KIF3C: variants seen among roughly 807,000 people sequenced by gnomAD.
The protein encoded by KIF3C is kinesin family member 3C.
Under a neutral mutation model 67.7 loss-of-function variants are expected in KIF3C, and 12 were observed. The ratio of observed to expected loss-of-function variants is 0.18; its 90% CI spans 0.11 to 0.29. KIF3C has a LOEUF of 0.29. Ranked by LOEUF, KIF3C falls within the 10% of genes least tolerant of loss-of-function variation. The probability of loss-of-function intolerance (pLI) is 1.00; values close to 1 mark genes in which losing one functional copy is unlikely to be tolerated. For missense variants in KIF3C, 789 were observed against 1,059.6 expected (o/e 0.74, Z 3.55); for synonymous variants, 393 against 426.2 (o/e 0.92, Z 0.96).
In KIF3C at chr2:25,980,104, C is replaced by T. The variant is rs1384221450; in HGVS notation, c.1545+269G>A. ...CCTGAGGCCACCAGCAGGAAATGCC[C>T]ACAGCAGGTCAGACCACCCCAAGCT... On this transcript the variant is annotated intron_variant, in intron 1 of 7. Transcript: ENST00000264712. This position sits in a 1 kb window ranked among gnomAD's most constrained non-coding sequence, Gnocchi z 7.6. Among the ~76,000 whole-genome samples, 6 of 152,286 alleles carry T rather than the reference C, an allele frequency of 3.9e-5. No homozygotes were observed. Among genetic ancestry groups the T allele is most frequent in the Non-Finnish European group, 8.8e-5 (6 of 68,020 alleles).
intron 1 of KIF3C, among the ~76,000 whole-genome samples, chr2:25,967,598 G>A (rs1237109891): frequency 6.6e-6 from 1 of 152,198 alleles, no homozygotes; most frequent in Non-Finnish European, 1.5e-5. Context: ...CTTGACCCCA[G>A]GAGTTCAAGA....
chr2:25,930,107 A>G, intron 5 of KIF3C, 44 bp from the exon 6 acceptor site: 1 of 1,491,988 alleles, frequency 6.7e-7, no homozygotes, highest in South Asian at 1.1e-5. Context: ...TGTGGAACAC[A>G]AACAGCAAAT....
intron 5 of KIF3C, among the ~76,000 whole-genome samples, chr2:25,935,514 G>A (rs949588074): frequency 6.6e-6 from 1 of 151,954 alleles, no homozygotes; most frequent in Non-Finnish European, 1.5e-5. Context: ...CTACAGGCAG[G>A]TGCCACCACA....
chr2:25,957,429 A>G (rs540052045), intron 1 of KIF3C, among the ~76,000 whole-genome samples: 2 of 152,270 alleles, frequency 1.3e-5, no homozygotes, highest in South Asian at 2.1e-4. Flanking sequence ...TTCAAAACCT[A>G]TTCTGGTTTG....
intron 1 of KIF3C, among the ~76,000 whole-genome samples, chr2:25,976,650 A>G (rs1178313602): frequency 6.6e-6 from 1 of 152,198 alleles, no homozygotes; most frequent in Non-Finnish European, 1.5e-5. Flanking sequence ...AATCCCAGCT[A>G]CTAGGGAGGA....
Position 25,980,379 on chromosome 2 carries a change from C to T in KIF3C, c.1539G>A (p.Lys513=), listed in dbSNP as rs762386698. 2 of 1,612,508 alleles carry T rather than the reference C, an allele frequency of 1.2e-6. No individual in the cohort carries two copies. Among genetic ancestry groups the T allele is most frequent in the South Asian group, 1.1e-5 (1 of 90,912 alleles). ...EQQATELLAA[K]YKAMESKLLI... ...GCTCCTCTGGGGCCCTTACCTTGTA[C>T]TTGGCCGCAAGCAGCTCTGTGGCCT... Residue 513 remains lysine, a synonymous_variant, in exon 1 of 8, where the codon AAG becomes AAA. Coordinates refer to ENST00000264712, the MANE Select transcript of KIF3C (RefSeq NM_002254.8). The surrounding 1 kb of genome is among the most constrained non-coding windows in gnomAD (Gnocchi z 7.6).
chr2:25,937,073 C>A (rs188115605), intron 5 of KIF3C, among the ~76,000 whole-genome samples: 1 of 152,298 alleles, frequency 6.6e-6, no homozygotes. Flanking sequence ...AGTACACCTG[C>A]CACAGGGCTT....
At chr2:25,944,741 T>A (rs1193069529) in intron 5 of KIF3C, among the ~76,000 whole-genome samples, 1 of 152,216 alleles carries the variant, frequency 6.6e-6, no homozygotes, top group East Asian at 1.9e-4. Context: ...TACAAACATA[T>A]TCTGCATAAA....
At chr2:25,950,753 G>A (rs773140975) in intron 5 of KIF3C, among the ~76,000 whole-genome samples, 2 of 152,082 alleles carry the variant, frequency 1.3e-5, no homozygotes, top group East Asian at 1.9e-4. Context: ...TACCTAGATT[G>A]GAAAGGTGGA....
rs2090429970 is a variant in KIF3C at position 25,928,517 on chromosome 2, C to T, written c.*461G>A. ...GATGTCTCTTGTCCTCAGGGAACAC[C>T]AAGCAGTCTCCCAGTCCCAGAAAGT... On this transcript the variant is annotated 3_prime_UTR_variant, in exon 8 of 8. Transcript: ENST00000264712. 6.4e-6 allele frequency: 1 copy of T among 155,538 alleles called. No homozygotes were observed. Among genetic ancestry groups the T allele is most frequent in the Non-Finnish European group, 1.4e-5 (1 of 70,306 alleles). 9.6% of individuals were successfully genotyped at this position (155,538 alleles called of 1,614,324 possible).
At chr2:25,965,938 A>G (rs569511017) in intron 1 of KIF3C, among the ~76,000 whole-genome samples, 1 of 152,128 alleles carries the variant, frequency 6.6e-6, no homozygotes, top group Non-Finnish European at 1.5e-5. Flanking sequence ...CAGGGCTGGG[A>G]GCTCCAGGGC....
Position 25,981,086 on chromosome 2 carries a change from T to G in KIF3C, c.832A>C (p.Ser278Arg). The G allele has an allele frequency of 6.2e-7, 1 of 1,614,122 alleles. No homozygotes were observed. Among genetic ancestry groups the G allele is most frequent in the Non-Finnish European group, 8.5e-7 (1 of 1,179,988 alleles). Residue 278 changes from serine (S) to arginine (R), a missense_variant, in exon 1 of 8, where the codon AGT (serine) becomes CGT (arginine). Around this residue, in one of 2 missense-constraint regions of KIF3C, gnomAD observed 648 missense variants for 807.8 expected, o/e 0.80. Coordinates refer to ENST00000264712, the MANE Select transcript of KIF3C (RefSeq NM_002254.8). The surrounding 1 kb of genome is among the most constrained non-coding windows in gnomAD (Gnocchi z 8.2). ...CTCTCTCCACCAGCACCACCACCAC[T>G]GCCTCCACCGCCACCACCGCCACCC... Reference protein sequence around the residue: ...SSGGGGGGGGSGGGAGGERPK... With the variant: ...SSGGGGGGGGRGGGAGGERPK...
At position 25,976,753 on chromosome 2, in the gene KIF3C, T is replaced by C. The variant is rs1664428166; in HGVS notation, c.1545+3620A>G. Among the ~76,000 whole-genome samples the C allele has an allele frequency of 2.0e-5, 3 of 151,754 alleles. No individual in the cohort carries two copies. In the South Asian group the frequency reaches 6.2e-4, roughly 32 times the overall value. ...CCAGCCTCAGCAACAAGAACGAAAC[T>C]CCATCTCAAAAAAAAAGTTAATTTC... is the stretch of plus-strand genomic sequence containing the variant. On this transcript the variant is annotated intron_variant, in intron 1 of 7. Coordinates refer to ENST00000264712, the MANE Select transcript of KIF3C (RefSeq NM_002254.8).
In KIF3C at chr2:25,956,318, GGGACCT is replaced by G. The variant is rs757237210; in HGVS notation, c.1647+19_1647+24del. Reference sequence around the variant, plus strand: ...TGAGCTGCAGGCCACACTCTCCAAGGGGACCTGGCACCTGGAGGCCCTACCTGCTCG... The same window carrying G: ...TGAGCTGCAGGCCACACTCTCCAAGGGGCACCTGGAGGCCCTACCTGCTCG... On this transcript the variant is annotated intron_variant, in intron 2 of 7. Transcript: ENST00000264712. The G allele has an allele frequency of 2.6e-6, 4 of 1,567,738 alleles. No individual in the cohort carries two copies. In the Admixed American group the frequency reaches 6.7e-5, roughly 26 times the overall value.
intron 5 of KIF3C, among the ~76,000 whole-genome samples, chr2:25,943,863 C>T (rs1305934361): frequency 6.8e-6 from 1 of 147,600 alleles, no homozygotes; most frequent in East Asian, 2.0e-4. Flanking sequence ...AAAATTCTAT[C>T]TAAAAAAAAA....
chr2:25,954,180 A>C, intron 4 of KIF3C, 87 bp downstream of exon 4: 1 of 923,742 alleles, frequency 1.1e-6, no homozygotes, highest in South Asian at 1.3e-5. Context: ...GAGAGGAGAC[A>C]GTCAGGATGA....
chr2:25,955,397 T>G lies in KIF3C; in HGVS notation c.1770+144A>C. 6 of 924,250 alleles carry G rather than the reference T, an allele frequency of 6.5e-6. No homozygotes were observed. Among genetic ancestry groups the G allele is most frequent in the East Asian group, 2.6e-5 (1 of 38,704 alleles). 57.3% of individuals were successfully genotyped at this position (924,250 alleles called of 1,614,324 possible). A position where few individuals can be genotyped will look rare whatever the true frequency, so the allele number is the denominator to read the frequency against. ...AGCCCCCGCCTCCTGCCTCCCCCTG[T>G]TGCTCACCCCCGAGGCCAAGCCATG... On this transcript the variant is annotated intron_variant, in intron 3 of 7. Transcript: ENST00000264712. This position sits in a 1 kb window ranked among gnomAD's most constrained non-coding sequence, Gnocchi z 5.0.
chr2:25,962,895 AAATATATATAATATAT>A (rs1559555236), intron 1 of KIF3C, among the ~76,000 whole-genome samples: 14 of 51,866 alleles, frequency 2.7e-4, no homozygotes, highest in East Asian at 2.3e-3. Flanking sequence ...ATATAATATA[AAATATATATAATATAT>A]AATATATATA....
chr2:25,970,920 T>A (rs1333346923), intron 1 of KIF3C, among the ~76,000 whole-genome samples: 4 of 128,520 alleles, frequency 3.1e-5, no homozygotes, highest in Non-Finnish European at 6.2e-5. Flanking sequence ...GGTCAGGAGA[T>A]CGAGACCACC....
Sources: allele counts gnomAD v4.1 joint callset (sites outside exome capture counted in the v4.1 genomes callset), GRCh38; gene constraint gnomAD v4.1.1; regional missense constraint gnomAD v4.1.1; non-coding constraint Gnocchi (gnomAD v3.1); transcripts MANE v1.5; gene names NCBI Gene and HGNC (gene_info 2026-07-23, HGNC 2026-07-21).